The following TMC3 variants were observed in gnomAD, a reference collection of about 807,000 sequenced individuals.
The protein encoded by TMC3 is transmembrane channel-like protein 3.
Under a neutral mutation model 110.6 loss-of-function variants are expected in TMC3, and 98 were observed. The observed-to-expected ratio is 0.89, with a 90% CI of 0.75 to 1.05. The LOEUF is 1.05. Ranked by LOEUF, TMC3 falls within the 50% of genes least tolerant of loss-of-function variation. The probability of loss-of-function intolerance (pLI) is 0.00; values close to 1 mark genes in which losing one functional copy is unlikely to be tolerated. For missense variants in TMC3, 1,319 were observed against 1,373.2 expected (o/e 0.96, Z 0.62); for synonymous variants, 489 against 513.1 (o/e 0.95, Z 0.63).
chr15:81,345,715 CA>C (rs557634217), intron 12 of TMC3, among the ~76,000 whole-genome samples: 3 of 150,238 alleles, frequency 2.0e-5, no homozygotes, highest in South Asian at 2.1e-4. Context: ...ATAAAAAATA[CA>C]AAAAAAAATA....
At chr15:81,365,670 C>CAA (rs398043535) in intron 3 of TMC3, among the ~76,000 whole-genome samples, 63 of 82,152 alleles carry the variant, frequency 7.7e-4, no homozygotes, top group East Asian at 1.6e-3. Context: ...GACTCTGTCT[C>CAA]AAAAAAAAAA....
intron 9 of TMC3, among the ~76,000 whole-genome samples, chr15:81,353,351 G>A (rs1370989784): frequency 2.0e-5 from 3 of 152,052 alleles, no homozygotes; most frequent in Non-Finnish European, 4.4e-5. Context: ...ATATAGTGAG[G>A]CCTAAATGTA....
chr15:81,333,585 G>A (rs1893523580), intron 21 of TMC3, among the ~76,000 whole-genome samples: 1 of 152,210 alleles, frequency 6.6e-6, no homozygotes, highest in Non-Finnish European at 1.5e-5. Context: ...TGTCTGTGAA[G>A]CACATGTTAG....
intron 15 of TMC3, 29 bp downstream of exon 15, chr15:81,343,249 C>A (rs201692928): frequency 1.8e-4 from 275 of 1,486,596 alleles, no homozygotes; most frequent in Non-Finnish European, 2.4e-4. Flanking sequence ...GAGATGTAAG[C>A]AAAGGCAAGA....
chr15:81,371,080 AGATTTAAAGCTTAATTCTAGCAC>A (rs1328247826), intron 2 of TMC3, among the ~76,000 whole-genome samples: 2 of 152,200 alleles, frequency 1.3e-5, no homozygotes, highest in African/African-American at 4.8e-5. Context: ...CAGAAATCCT[AGATTTAAAGCTTAATTCTAGCAC>A]TCAGAAACTG....
intron 20 of TMC3, among the ~76,000 whole-genome samples, chr15:81,335,335 C>T (rs1209041424): frequency 6.6e-6 from 1 of 152,214 alleles, no homozygotes; most frequent in Non-Finnish European, 1.5e-5. Context: ...AAACAGTTCA[C>T]ATGCATTCTG....
rs1893477533 is a variant in TMC3 at position 81,332,262 on chromosome 15, C to T, written c.*157G>A. On this transcript the variant is annotated 3_prime_UTR_variant, in exon 22 of 22. Coordinates refer to ENST00000359440, the MANE Select transcript of TMC3 (RefSeq NM_001080532.3). ...GTAGCTGTAGAATAGGTATCTGTAG[C>T]CCTGTCAGCCTCAGGGCCTCAGCTA... 4 of 1,106,312 alleles carry T rather than the reference C, an allele frequency of 3.6e-6. 1 individual carries two copies. In the South Asian group the frequency reaches 5.2e-5, roughly 14 times the overall value. The allele number at this position is 1,106,312 out of a possible 1,614,324, so 68.5% of individuals were successfully genotyped here. A position where few individuals can be genotyped will look rare whatever the true frequency, so the allele number is the denominator to read the frequency against.
chr15:81,360,749 C>T (rs1894170217), intron 4 of TMC3, among the ~76,000 whole-genome samples: 1 of 152,092 alleles, frequency 6.6e-6, no homozygotes, highest in Non-Finnish European at 1.5e-5. Context: ...GACTTGAATG[C>T]CCCTCTGTCA....
intron 3 of TMC3, among the ~76,000 whole-genome samples, chr15:81,363,939 G>C (rs1025144830): frequency 4.6e-5 from 7 of 152,200 alleles, no homozygotes; most frequent in Non-Finnish European, 8.8e-5. Flanking sequence ...AAGAAGCACA[G>C]GGCGGAAAGC....
rs746943365 is a variant in TMC3 at position 81,338,740 on chromosome 15, C to G, written c.1996G>C (p.Glu666Gln). 1 of 1,613,960 alleles carries G rather than the reference C, an allele frequency of 6.2e-7. No homozygotes were observed. The highest frequency in any genetic ancestry group is 8.5e-7 in the Non-Finnish European group (1 of 1,179,876). ...KIYDIVSETI[E>Q]KDFPVWFGSV... ...CCAAACCACACAGGAAAGTCTTTCT[C>G]AATCGTTTCTGACACAATGTCATAA... is the stretch of plus-strand genomic sequence containing the variant. The change falls in exon 18 of 22, where the codon GAG becomes CAG. Residue 666 changes from glutamate (E) to glutamine (Q), a missense_variant. Glu to Gln is a conservative substitution (Grantham distance 29, BLOSUM62 2). Transcript: ENST00000359440.
chr15:81,358,370 A>C (rs1459662704), intron 6 of TMC3, 32 bp downstream of exon 6: 1 of 1,603,356 alleles, frequency 6.2e-7, no homozygotes, highest in South Asian at 1.1e-5. Flanking sequence ...CCCTTCCCTC[A>C]AGACAAGAGT....
intron 11 of TMC3, among the ~76,000 whole-genome samples, chr15:81,346,677 A>G (rs1250965502): frequency 1.3e-5 from 2 of 152,234 alleles, no homozygotes; most frequent in Non-Finnish European, 2.9e-5. Flanking sequence ...TGATTCTGCT[A>G]TAGCCCATCC....
At position 81,369,379 on chromosome 15, in the gene TMC3, T is replaced by C. The variant is rs1894385998; in HGVS notation, c.237-1051A>G. Among the ~76,000 whole-genome samples the C allele has an allele frequency of 2.0e-5, 3 of 152,070 alleles. No individual in the cohort carries two copies. The South Asian group carries it at 6.2e-4, about 32-fold the overall frequency. On this transcript the variant is annotated intron_variant, in intron 2 of 21. Transcript: ENST00000359440. ...CATCTTAATAGCCCAGCCAATGCAT[T>C]GACTTCATTCTGGCCAGAACCAAAA...
At chr15:81,367,553 T>G (rs1201593372) in intron 3 of TMC3, among the ~76,000 whole-genome samples, 1 of 152,204 alleles carries the variant, frequency 6.6e-6, no homozygotes, top group African/African-American at 2.4e-5. Context: ...AACAAAAACC[T>G]TAACATTGTA....
intron 4 of TMC3, among the ~76,000 whole-genome samples, chr15:81,361,520 C>G (rs1894187363): frequency 6.6e-6 from 1 of 152,004 alleles, no homozygotes; most frequent in African/African-American, 2.4e-5. Flanking sequence ...CATTTGCATT[C>G]TTCTTTATAA....
chr15:81,337,637 C>T (rs960297654), intron 19 of TMC3: 1 of 611,976 alleles, frequency 1.6e-6, no homozygotes, highest in African/African-American at 1.8e-5. Context: ...AAAACAGGAG[C>T]AGGCTTCCTC....
chr15:81,334,647 G>T (rs1567060155), intron 21 of TMC3, 73 bp downstream of exon 21: 1 of 1,521,766 alleles, frequency 6.6e-7, no homozygotes, highest in Non-Finnish European at 8.8e-7. Context: ...AATGGCCTTG[G>T]CCTCCTGAAG....
chr15:81,346,090 G>T (rs1192365689), intron 12 of TMC3, among the ~76,000 whole-genome samples: 1 of 152,116 alleles, frequency 6.6e-6, no homozygotes, highest in Non-Finnish European at 1.5e-5. Context: ...CAAAGAAATG[G>T]GGTAGTATGA....
Position 81,368,239 on chromosome 15 carries a change from G to A in TMC3, c.312+14C>T. 1.2e-6 allele frequency: 2 copies of A among 1,610,032 alleles called. No homozygotes were observed. The highest frequency in any genetic ancestry group is 1.7e-6 in the Non-Finnish European group (2 of 1,176,620). ...TGAGCCACCGCGCCCAGCCACATGTGTGTTCTGTATTACCTCTGCACCTGC... is the reference window on the plus strand; with the variant it reads ...TGAGCCACCGCGCCCAGCCACATGTATGTTCTGTATTACCTCTGCACCTGC... On this transcript the variant is annotated intron_variant, in intron 3 of 21. Coordinates refer to ENST00000359440, the MANE Select transcript of TMC3 (RefSeq NM_001080532.3).
Sources: gnomAD v4.1 joint callset for allele counts (sites outside exome capture counted in the v4.1 genomes callset) on GRCh38, gnomAD v4.1.1 for gene constraint, MANE v1.5 for transcripts, NCBI Gene and HGNC (gene_info 2026-07-23, HGNC 2026-07-21) for gene names.